ZNF180: variants seen among roughly 807,000 people sequenced by gnomAD.
ZNF180 encodes zinc finger protein 180, also known as zinc finger protein 180 (HHZ168).
Under a neutral mutation model 11.8 loss-of-function variants are expected in ZNF180, and 11 were observed. That is an observed-to-expected ratio of 0.93 (90% CI 0.59 to 1.55). The LOEUF is 1.55. Among genes scored for constraint, ZNF180 ranks in the 40% most tolerant of loss-of-function variants. The pLI is 0.00. For missense variants in ZNF180, 773 were observed against 781.7 expected, an observed-to-expected ratio of 0.99 and a Z score of 0.13; for synonymous variants, 287 against 257.7, an observed-to-expected ratio of 1.11 and a Z score of -1.09.
At chr19:44,482,206 C>A (rs541250212) in intron 3 of ZNF180, among the ~76,000 whole-genome samples, 3 of 152,236 alleles carry the variant, frequency 2.0e-5, no homozygotes, top group Non-Finnish European at 4.4e-5. Context: ...ACTCAGGAGG[C>A]TGAGGTTTGG....
At chr19:44,489,116 T>C (rs372825005) in intron 2 of ZNF180, among the ~76,000 whole-genome samples, 1,047 of 92,792 alleles carry the variant, frequency 0.011, 15 homozygotes, top group African/African-American at 0.038. Flanking sequence ...GGGGCCAGCC[T>C]CCCGCCCGGC....
chr19:44,480,393 C>T (rs892166782), intron 3 of ZNF180, among the ~76,000 whole-genome samples: 1 of 152,220 alleles, frequency 6.6e-6, no homozygotes, highest in African/African-American at 2.4e-5. Context: ...GGATGAGCCA[C>T]CACACCTGAC....
intron 3 of ZNF180, among the ~76,000 whole-genome samples, chr19:44,480,726 T>C (rs1970056318): frequency 6.6e-6 from 1 of 152,230 alleles, no homozygotes; most frequent in Non-Finnish European, 1.5e-5. Flanking sequence ...TTATGCAATT[T>C]TTAAAAAAAT....
At chr19:44,487,119 G>A (rs1970249890) in intron 2 of ZNF180, among the ~76,000 whole-genome samples, 1 of 152,198 alleles carries the variant, frequency 6.6e-6, no homozygotes, top group South Asian at 2.1e-4. Context: ...TACTTGGGAG[G>A]CAAAGATGGG....
At chr19:44,486,877 C>T (rs1970243450) in intron 2 of ZNF180, among the ~76,000 whole-genome samples, 1 of 152,040 alleles carries the variant, frequency 6.6e-6, no homozygotes, top group South Asian at 2.1e-4. Flanking sequence ...CCCATCTCTA[C>T]TAAAAATACA....
intron 2 of ZNF180, among the ~76,000 whole-genome samples, chr19:44,488,153 CTCTCTTTCCACGG>C (rs1555735751): frequency 2.2e-4 from 25 of 114,846 alleles, no homozygotes; most frequent in African/African-American, 4.1e-4. Flanking sequence ...CTCCCTCTCC[CTCTCTTTCCACGG>C]TCTCCCTCTC....
chr19:44,479,551 G>C lies in ZNF180; in HGVS notation c.127-142C>G, dbSNP rs1970025638. On this transcript the variant is annotated intron_variant, in intron 3 of 4. Coordinates refer to ENST00000592529, the MANE Select transcript of ZNF180 (RefSeq NM_001278509.3). ...AATTGTCAGTGCCCAAAAGATTCCA[G>C]TCAAGATGTACAGGTGCCTTCTGGG... 7.0e-6 allele frequency: 8 copies of C among 1,148,682 alleles called. No individual in the cohort carries two copies. The Admixed American group carries it at 1.6e-4, about 23-fold the overall frequency. 71.2% of individuals were successfully genotyped at this position (1,148,682 alleles called of 1,614,324 possible). A position where few individuals can be genotyped will look rare whatever the true frequency, so the allele number is the denominator to read the frequency against.
At chr19:44,479,588 G>T in intron 3 of ZNF180, 179 bp from the exon 4 acceptor site, 1 of 690,102 alleles carries the variant, frequency 1.4e-6, no homozygotes, top group Non-Finnish European at 2.4e-6. Flanking sequence ...GAGCTCTTTG[G>T]GTTTTGGATG....
chr19:44,485,626 T>C (rs1970209817), intron 2 of ZNF180, among the ~76,000 whole-genome samples: 1 of 152,240 alleles, frequency 6.6e-6, no homozygotes, highest in Admixed American at 6.5e-5. Context: ...GAGCTTCATA[T>C]ATTCTTAGAA....
intron 2 of ZNF180, among the ~76,000 whole-genome samples, chr19:44,488,604 C>T (rs1317061081): frequency 3.3e-5 from 5 of 152,050 alleles, no homozygotes; most frequent in Non-Finnish European, 5.9e-5. Flanking sequence ...GGCGTGATCT[C>T]GGCTCGCTAC....
chr19:44,500,196 A>AC lies in ZNF180; in HGVS notation c.-44+78dup, dbSNP rs761726570. On this transcript the variant is annotated intron_variant, in intron 1 of 4. Coordinates refer to ENST00000592529, the MANE Select transcript of ZNF180 (RefSeq NM_001278509.3). ...GATACCAGGTCTCCCCGCTACACTC[A>AC]CCACCGCTTCCAGCTTCCCGCGTAG... 8.1e-5 allele frequency: 131 copies of AC among 1,614,090 alleles called. No homozygotes were observed. The South Asian group carries it at 1.0e-3, about 13-fold the overall frequency.
intron 2 of ZNF180, among the ~76,000 whole-genome samples, chr19:44,490,001 G>GAAAGAAAAGA (rs1345288539): frequency 0.014 from 1,437 of 105,764 alleles, 15 homozygotes; most frequent in African/African-American, 0.021. Context: ...AAGCAAGAAA[G>GAAAGAAAAGA]AAAGAAAAGA....
chr19:44,500,159 G>T, intron 1 of ZNF180, 116 bp downstream of exon 1: 3 of 1,613,960 alleles, frequency 1.9e-6, no homozygotes, highest in Non-Finnish European at 2.5e-6. Flanking sequence ...AGGCTAAAGC[G>T]CCACCCGCAC....
chr19:44,482,799 G>C (rs1359120866), intron 3 of ZNF180, among the ~76,000 whole-genome samples: 2 of 152,238 alleles, frequency 1.3e-5, no homozygotes, highest in Non-Finnish European at 2.9e-5. Flanking sequence ...AAGGGCTCCT[G>C]TGAGAAAACA....
rs759748610 is a variant in ZNF180 at position 44,474,628 on chromosome 19, T to G, written c.*1774A>C. On this transcript the variant is annotated 3_prime_UTR_variant, in exon 5 of 5. Coordinates refer to ENST00000592529, the MANE Select transcript of ZNF180 (RefSeq NM_001278509.3). ...GTTTTTCTCATATCCCCTTTGTGCTTCTTAAAGATGGTTAAAATAGGACAG... is the reference window on the plus strand; with the variant it reads ...GTTTTTCTCATATCCCCTTTGTGCTGCTTAAAGATGGTTAAAATAGGACAG... The G allele has an allele frequency of 6.6e-6, 1 of 152,212 alleles. No homozygotes were observed. The highest frequency in any genetic ancestry group is 2.4e-5 in the African/African-American group (1 of 41,444). 9.4% of individuals were successfully genotyped at this position (152,212 alleles called of 1,614,324 possible). A position where few individuals can be genotyped will look rare whatever the true frequency, so the allele number is the denominator to read the frequency against.
intron 3 of ZNF180, among the ~76,000 whole-genome samples, chr19:44,480,617 T>C (rs1330270850): frequency 6.6e-6 from 1 of 152,192 alleles, no homozygotes; most frequent in African/African-American, 2.4e-5. Flanking sequence ...TTTTGAAATA[T>C]TTGCATTTAC....
rs570504710 is a variant in ZNF180 at position 44,489,151 on chromosome 19, T to TG, written c.52-4717dup. Among the ~76,000 whole-genome samples the TG allele has an allele frequency of 6.6e-5, 7 of 105,824 alleles. No homozygotes were observed. The South Asian group carries it at 1.9e-3, about 28-fold the overall frequency. The allele number at this position is 105,824 out of a possible 152,430, so 69.4% of individuals were successfully genotyped here. A position where few individuals can be genotyped will look rare whatever the true frequency, so the allele number is the denominator to read the frequency against. ...CCAGCCGCCCCGTCCGGGAGGGAGGTGGGGGGGCCAGCCCCCCGCCGGGCC... is the reference window on the plus strand; with the variant it reads ...CCAGCCGCCCCGTCCGGGAGGGAGGTGGGGGGGGCCAGCCCCCCGCCGGGCC... On this transcript the variant is annotated intron_variant, in intron 2 of 4. Transcript: ENST00000592529.
chr19:44,493,155 T>C (rs547415863), intron 2 of ZNF180, among the ~76,000 whole-genome samples: 2 of 152,310 alleles, frequency 1.3e-5, no homozygotes, highest in East Asian at 1.9e-4. Flanking sequence ...ATACACAGAA[T>C]AGACCATCCA....
At position 44,477,421 on chromosome 19, in the gene ZNF180, CA is replaced by C. The variant is rs745379774; in HGVS notation, c.978del (p.Phe326LeufsTer292). ...AAGGATTTCCCACACTGATTACATT[CA>C]AAAGGTTTCTCTTCAGAATTATTTC... ...NMRNNSEEKP[F>X]ECNQCGKSFS... On this transcript the variant is annotated frameshift_variant, in exon 5 of 5. Coordinates refer to ENST00000592529, the MANE Select transcript of ZNF180 (RefSeq NM_001278509.3). LOFTEE classifies it low-confidence loss of function (END_TRUNC). 6.2e-7 allele frequency: 1 copy of C among 1,614,148 alleles called. No homozygotes were observed. Among genetic ancestry groups the C allele is most frequent in the Admixed American group, 1.7e-5 (1 of 60,022 alleles).
Sources: gnomAD v4.1 joint callset for allele counts (sites outside exome capture counted in the v4.1 genomes callset) on GRCh38, gnomAD v4.1.1 for gene constraint, MANE v1.5 for transcripts, NCBI Gene and HGNC (gene_info 2026-07-23, HGNC 2026-07-21) for gene names.